Variants in MFSD6 observed in about 807,000 individuals in gnomAD.
The protein encoded by MFSD6 is major facilitator superfamily domain containing 6.
A neutral mutation model predicts 56.3 loss-of-function variants in MFSD6; 26 were observed. The observed-to-expected ratio is 0.46, with a 90% CI of 0.34 to 0.64. MFSD6 has a LOEUF of 0.64. Among genes scored for constraint, MFSD6 ranks in the 30% least tolerant of loss-of-function variants. The pLI, the probability that MFSD6 is intolerant of heterozygous loss-of-function variation, is 0.01. For missense variants in MFSD6, 750 were observed against 986.2 expected, an observed-to-expected ratio of 0.76 and a Z score of 3.21; for synonymous variants, 331 against 366.9, an observed-to-expected ratio of 0.90 and a Z score of 1.12.
At chr2:190,481,816 C>T (rs1688686092) in intron 4 of MFSD6, among the ~76,000 whole-genome samples, 1 of 152,188 alleles carries the variant, frequency 6.6e-6, no homozygotes, top group Non-Finnish European at 1.5e-5. Context: ...TTTCGTGCAG[C>T]ACACAGAAGA....
intron 4 of MFSD6, among the ~76,000 whole-genome samples, chr2:190,477,641 C>T (rs1289545851): frequency 6.6e-6 from 1 of 152,138 alleles, no homozygotes; most frequent in Non-Finnish European, 1.5e-5. Context: ...AGGCAGCATG[C>T]TGGGTGCTGA....
In MFSD6 at chr2:190,451,185, T is replaced by C. The variant is rs1240466750; in HGVS notation, c.1532+13624T>C. On this transcript the variant is annotated intron_variant, in intron 3 of 7. Transcript: ENST00000392328. This position sits in a 1 kb window ranked among gnomAD's most constrained non-coding sequence, Gnocchi z 5.0. ...TATATGTACATGTGTGCATTTGATC[T>C]AGATTCAAATCCCACACTTAGTCCT... Among the ~76,000 whole-genome samples the C allele has an allele frequency of 6.6e-6, 1 of 152,252 alleles. No individual in the cohort carries two copies. Among genetic ancestry groups the C allele is most frequent in the Non-Finnish European group, 1.5e-5 (1 of 68,048 alleles).
rs1469685228 is a variant in MFSD6 at position 190,462,109 on chromosome 2, T to G, written c.1533-7649T>G. 6.6e-6 allele frequency among the ~76,000 whole-genome samples: 1 copy of G among 152,178 alleles called. No homozygotes were observed. The highest frequency in any genetic ancestry group is 2.4e-5 in the African/African-American group (1 of 41,432). On this transcript the variant is annotated intron_variant, in intron 3 of 7. Coordinates refer to ENST00000392328, the MANE Select transcript of MFSD6 (RefSeq NM_017694.4). This position sits in a 1 kb window ranked among gnomAD's most constrained non-coding sequence, Gnocchi z 5.7. ...TTTCCAGGATAATCATTGTTCGTGA[T>G]TTGCTGTCTGTCTCCTTCTTGGTTT... is the stretch of plus-strand genomic sequence containing the variant.
At chr2:190,422,711 G>C (rs1044321400) in intron 2 of MFSD6, among the ~76,000 whole-genome samples, 1 of 152,128 alleles carries the variant, frequency 6.6e-6, no homozygotes, top group Non-Finnish European at 1.5e-5. Context: ...TTAGGTACTA[G>C]GTGGGTCATT....
rs540174169 is a variant in MFSD6, at chr2:190,484,733, C to T, written c.1631-3924C>T. Among the ~76,000 whole-genome samples the T allele has an allele frequency of 4.6e-5, 7 of 152,226 alleles. No homozygotes were observed. In the East Asian group the frequency reaches 7.7e-4, roughly 17 times the overall value. ...GATGTTCTAATTTAATCCCTTCTTA[C>T]GGATTGCTACATTTTGCTGGTTTCC... On this transcript the variant is annotated intron_variant, in intron 4 of 7. Transcript: ENST00000392328.
chr2:190,452,562 T>G (rs1224602640), intron 3 of MFSD6, among the ~76,000 whole-genome samples: 28 of 152,200 alleles, frequency 1.8e-4, no homozygotes, highest in Admixed American at 1.8e-3. Flanking sequence ...AAAGTCATGT[T>G]CTCAGCTGCT....
intron 2 of MFSD6, among the ~76,000 whole-genome samples, chr2:190,427,651 G>C (rs982033749): frequency 2.6e-5 from 4 of 151,932 alleles, no homozygotes; most frequent in African/African-American, 9.7e-5. Context: ...TTATTGTCTA[G>C]GGTTTTTAGT....
At position 190,439,361 on chromosome 2, in the gene MFSD6, G is replaced by A. The variant is rs1227623527; in HGVS notation, c.1532+1800G>A. The stretch of plus-strand genomic sequence containing the variant: ...TAGGTTCTATTTTCTTTTTTTTCAC[G>A]TTTTATTTGTTTATTTTTTTATTAT... On this transcript the variant is annotated intron_variant, in intron 3 of 7. Coordinates refer to ENST00000392328, the MANE Select transcript of MFSD6 (RefSeq NM_017694.4). The surrounding 1 kb of genome is among the most constrained non-coding windows in gnomAD (Gnocchi z 5.8). Among the ~76,000 whole-genome samples the A allele has an allele frequency of 6.6e-6, 1 of 151,730 alleles. No individual in the cohort carries two copies. The highest frequency in any genetic ancestry group is 1.5e-5 in the Non-Finnish European group (1 of 67,930).
rs908282286 is a variant in MFSD6, at chr2:190,491,762, C to T, written c.1891+1896C>T. 5.3e-5 allele frequency among the ~76,000 whole-genome samples: 8 copies of T among 152,094 alleles called. No individual in the cohort carries two copies. The highest frequency in any genetic ancestry group is 1.9e-4 in the African/African-American group (8 of 41,400). On this transcript the variant is annotated intron_variant, in intron 6 of 7. Transcript: ENST00000392328. The surrounding 1 kb of genome is among the most constrained non-coding windows in gnomAD (Gnocchi z 4.2). The stretch of plus-strand genomic sequence containing the variant: ...GACAAAACAAGGTTCTTTAACCTGC[C>T]CCAACAAAATCACACTAGCACCAGC...
Position 190,413,806 on chromosome 2 carries a change from A to G in MFSD6, c.-175-1486A>G, listed in dbSNP as rs1690666471. ...GCTCTCTCTGAGCTCCAATAAACCA[A>G]TGTACCATGAGCCCTGCTATACTGT... On this transcript the variant is annotated intron_variant, in intron 1 of 7. Transcript: ENST00000392328. This position sits in a 1 kb window ranked among gnomAD's most constrained non-coding sequence, Gnocchi z 4.1. 6.6e-6 allele frequency among the ~76,000 whole-genome samples: 1 copy of G among 152,158 alleles called. No individual in the cohort carries two copies. The highest frequency in any genetic ancestry group is 6.5e-5 in the Admixed American group (1 of 15,270).
chr2:190,460,850 A>T (rs1182566736), intron 3 of MFSD6, among the ~76,000 whole-genome samples: 1 of 152,198 alleles, frequency 6.6e-6, no homozygotes, highest in African/African-American at 2.4e-5. Context: ...AGACAAGGTG[A>T]CAAGGAAAGA....
rs530899158 is a variant in MFSD6, at chr2:190,415,958, T to C, written c.-54+545T>C. The stretch of plus-strand genomic sequence containing the variant: ...TAACTTCCTCAGTGTCTAATAGTGT[T>C]AGAATAGCTCTGTAATGTGAACTGT... On this transcript the variant is annotated intron_variant, in intron 2 of 7. Transcript: ENST00000392328. The surrounding 1 kb of genome is among the most constrained non-coding windows in gnomAD (Gnocchi z 4.5). Among the ~76,000 whole-genome samples the C allele has an allele frequency of 2.0e-5, 3 of 152,306 alleles. No individual in the cohort carries two copies. The highest frequency in any genetic ancestry group is 7.2e-5 in the African/African-American group (3 of 41,570).
chr2:190,430,868 C>T (rs1342298713), intron 2 of MFSD6, among the ~76,000 whole-genome samples: 4 of 147,304 alleles, frequency 2.7e-5, no homozygotes, highest in South Asian at 2.3e-4. Flanking sequence ...CCCTCCCGGA[C>T]GGGGCGGCTG....
rs1689344842 is a variant in MFSD6 at position 190,491,406 on chromosome 2, T to C, written c.1891+1540T>C. On this transcript the variant is annotated intron_variant, in intron 6 of 7. Coordinates refer to ENST00000392328, the MANE Select transcript of MFSD6 (RefSeq NM_017694.4). The surrounding 1 kb of genome is among the most constrained non-coding windows in gnomAD (Gnocchi z 4.2). ...AGACCCTCTGAAGGAAGCATATTGC[T>C]CCTGGAGGACCTGAGAGACAGGCCA... 6.6e-6 allele frequency among the ~76,000 whole-genome samples: 1 copy of C among 152,132 alleles called. No individual in the cohort carries two copies. Among genetic ancestry groups the C allele is most frequent in the South Asian group, 2.1e-4 (1 of 4,828 alleles).
rs1688143297 is a variant in MFSD6 at position 190,474,274 on chromosome 2, G to A, written c.1630+4419G>A. On this transcript the variant is annotated intron_variant, in intron 4 of 7. Transcript: ENST00000392328. ...ACCCTTCAAAAAATCAATGAATCCA[G>A]GAGCTGGTTTTTTGAAAAGATCAAC... is the stretch of plus-strand genomic sequence containing the variant. Among the ~76,000 whole-genome samples the A allele has an allele frequency of 3.3e-5, 5 of 152,260 alleles. No homozygotes were observed. In the South Asian group the frequency reaches 1.0e-3, roughly 32 times the overall value.
chr2:190,441,726 C>T (rs933656972), intron 3 of MFSD6, among the ~76,000 whole-genome samples: 1 of 152,132 alleles, frequency 6.6e-6, no homozygotes, highest in Non-Finnish European at 1.5e-5. Flanking sequence ...TCAGCCTTGT[C>T]TCCTCAGCTC....
At chr2:190,428,309 A>T (rs866368257) in intron 2 of MFSD6, among the ~76,000 whole-genome samples, 61 of 152,268 alleles carry the variant, frequency 4.0e-4, no homozygotes, top group Middle Eastern at 6.8e-3. Context: ...ATGTTTATAG[A>T]TGTCTTTCGG....
At chr2:190,440,878 G>C (rs949092819) in intron 3 of MFSD6, among the ~76,000 whole-genome samples, 2 of 152,186 alleles carry the variant, frequency 1.3e-5, no homozygotes, top group African/African-American at 2.4e-5. Flanking sequence ...GCTAGTAAGA[G>C]GAGGAACACC....
Position 190,412,691 on chromosome 2 carries a change from C to T in MFSD6, c.-175-2601C>T, listed in dbSNP as rs1166214853. 1.1e-6 allele frequency: 1 copy of T among 894,148 alleles called. No homozygotes were observed. Among genetic ancestry groups the T allele is most frequent in the African/African-American group, 1.8e-5 (1 of 55,260 alleles). 55.4% of individuals were successfully genotyped at this position (894,148 alleles called of 1,614,324 possible). The stretch of plus-strand genomic sequence containing the variant: ...AATTATCCAACATTAGCTGTCTGTT[C>T]CCATTTACTCTACTGGCATTTTGGG... On this transcript the variant is annotated intron_variant, in intron 1 of 7. Transcript: ENST00000392328. The surrounding 1 kb of genome is among the most constrained non-coding windows in gnomAD (Gnocchi z 4.1).
Sources: allele counts gnomAD v4.1 joint callset (sites outside exome capture counted in the v4.1 genomes callset), GRCh38; gene constraint gnomAD v4.1.1; non-coding constraint Gnocchi (gnomAD v3.1); transcripts MANE v1.5; gene names NCBI Gene and HGNC (gene_info 2026-07-23, HGNC 2026-07-21).